The following GLIS3 variants were observed in gnomAD, a reference collection of about 807,000 sequenced individuals.
GLIS3 encodes the protein GLIS family zinc finger 3.
Under a neutral mutation model 78.6 loss-of-function variants are expected in GLIS3, and 53 were observed. The observed-to-expected ratio is 0.67, with a 90% confidence interval of 0.54 to 0.85. The LOEUF is 0.85. GLIS3 is among the 40% of genes least tolerant of loss of function. GLIS3 has a pLI of 0.00. For missense variants in GLIS3, 1,703 were observed against 1,231.1 expected (o/e 1.38, Z -5.74); for synonymous variants, 684 against 509.9 (o/e 1.34, Z -4.60).
chr9:4,375,441 A>C, the GLIS3 span, among the ~76,000 whole-genome samples: 1 of 152,218 alleles, frequency 6.6e-6, no homozygotes, highest in African/African-American at 2.4e-5. Context: ...ACTGTTTTAT[A>C]ATATAAATGT....
intron 6 of GLIS3, among the ~76,000 whole-genome samples, chr9:3,905,729 C>A (rs796506711): frequency 9.2e-5 from 14 of 152,286 alleles, no homozygotes; most frequent in African/African-American, 3.4e-4. Context: ...ATGATCTTGA[C>A]CCAGGGAGTC....
chr9:4,069,924 A>G (rs2130625950), intron 4 of GLIS3, among the ~76,000 whole-genome samples: 1 of 152,152 alleles, frequency 6.6e-6, no homozygotes, highest in African/African-American at 2.4e-5. Context: ...TGTCAGGAAG[A>G]TAAGCTTTGG....
At chr9:4,429,494 TAG>T in the GLIS3 span, among the ~76,000 whole-genome samples, 101 of 152,302 alleles carry the variant, frequency 6.6e-4, no homozygotes, top group African/African-American at 2.2e-3. Context: ...GATCTCAACT[TAG>T]CAATGCTCTC....
chr9:3,877,215 T>C (rs1402409699), intron 8 of GLIS3, among the ~76,000 whole-genome samples: 1 of 152,106 alleles, frequency 6.6e-6, no homozygotes, highest in Non-Finnish European at 1.5e-5. Context: ...TAATATCATT[T>C]AGAACCAAAC....
intron 4 of GLIS3, among the ~76,000 whole-genome samples, chr9:4,000,645 G>A (rs1821065673): frequency 6.6e-6 from 1 of 152,154 alleles, no homozygotes; most frequent in Non-Finnish European, 1.5e-5. Flanking sequence ...GCCCCCTGCT[G>A]CTTACAGGAC....
intron 2 of GLIS3, among the ~76,000 whole-genome samples, chr9:4,221,656 A>G (rs1821339360): frequency 1.3e-5 from 2 of 152,198 alleles, no homozygotes; most frequent in Admixed American, 1.3e-4. Context: ...TGGAAAATCT[A>G]ATACTTGCCT....
At chr9:4,033,338 C>T (rs997082363) in intron 4 of GLIS3, among the ~76,000 whole-genome samples, 1 of 152,150 alleles carries the variant, frequency 6.6e-6, no homozygotes, top group Non-Finnish European at 1.5e-5. Context: ...AGCGCACCCA[C>T]TTCAGGAAGA....
chr9:4,194,932 A>C (rs1026852022), intron 2 of GLIS3, among the ~76,000 whole-genome samples: 2 of 152,250 alleles, frequency 1.3e-5, no homozygotes, highest in Non-Finnish European at 2.9e-5. Context: ...AACTGCGTAC[A>C]AAGTCAGTCA....
the GLIS3 span, among the ~76,000 whole-genome samples, chr9:4,368,663 C>G: frequency 1.3e-5 from 2 of 152,166 alleles, no homozygotes; most frequent in Admixed American, 6.5e-5. Flanking sequence ...CACAAGACCC[C>G]TCTTCTTAAG....
intron 1 of GLIS3, among the ~76,000 whole-genome samples, chr9:4,299,033 G>A (rs1420259850): frequency 6.6e-6 from 1 of 152,154 alleles, no homozygotes; most frequent in Non-Finnish European, 1.5e-5. Context: ...TGCGCCCCAT[G>A]CCCGTGCGTC....
intron 4 of GLIS3, among the ~76,000 whole-genome samples, chr9:4,038,527 T>C (rs1220421383): frequency 6.6e-6 from 1 of 152,210 alleles, no homozygotes. Flanking sequence ...TCCAATACAC[T>C]TTCCCAGGCC....
the GLIS3 span, among the ~76,000 whole-genome samples, chr9:4,473,399 T>C: frequency 8.3e-5 from 12 of 144,638 alleles, no homozygotes; most frequent in African/African-American, 2.8e-4. Context: ...TGAGCCAAGA[T>C]CATGCCATTG....
the GLIS3 span, among the ~76,000 whole-genome samples, chr9:4,449,255 C>G: frequency 1.6e-4 from 24 of 152,278 alleles, no homozygotes; most frequent in African/African-American, 5.5e-4. Context: ...GAATCAGCAG[C>G]CTGCCAGGGA....
intron 2 of GLIS3, among the ~76,000 whole-genome samples, chr9:4,239,566 T>C (rs1823103024): frequency 6.6e-6 from 1 of 152,192 alleles, no homozygotes; most frequent in South Asian, 2.1e-4. Context: ...GGTATCAAGG[T>C]TGAGAACCAC....
At chr9:4,454,307 C>T in the GLIS3 span, among the ~76,000 whole-genome samples, 1 of 152,170 alleles carries the variant, frequency 6.6e-6, no homozygotes, top group Non-Finnish European at 1.5e-5. Flanking sequence ...AACTGGCCAC[C>T]ACACTACTTT....
intron 2 of GLIS3, among the ~76,000 whole-genome samples, chr9:4,156,741 T>G (rs1263475823): frequency 6.6e-6 from 1 of 152,132 alleles, no homozygotes; most frequent in Non-Finnish European, 1.5e-5. Flanking sequence ...TTCATGCCCT[T>G]ATCTGATGAG....
chr9:3,965,188 C>CTTTTTTTTTTTTTTTTTTTT lies in GLIS3; in HGVS notation c.1711-28000_1711-27999insAAAAAAAAAAAAAAAAAAAA, dbSNP rs750454441. ...TACTTCTTTTCTATTTCTTTCTTTT[C>CTTTTTTTTTTTTTTTTTTTT]TTTTCTTTTTTTTTTTTTTTTTTTG... On this transcript the variant is annotated intron_variant, in intron 4 of 10. Transcript: ENST00000381971. Among the ~76,000 whole-genome samples, 125 of 98,972 alleles carry CTTTTTTTTTTTTTTTTTTTT rather than the reference C, an allele frequency of 1.3e-3. 8 individuals carry two copies. The highest frequency in any genetic ancestry group is 1.7e-3 in the Non-Finnish European group (85 of 50,566). The allele number at this position is 98,972 out of a possible 152,430, so 64.9% of individuals were successfully genotyped here.
At chr9:4,232,415 A>C (rs1006804784) in intron 2 of GLIS3, among the ~76,000 whole-genome samples, 2 of 151,680 alleles carry the variant, frequency 1.3e-5, no homozygotes, top group Admixed American at 6.6e-5. Flanking sequence ...AAGAAAAAAA[A>C]AGAAAGAAAC....
chr9:4,035,203 C>T (rs953359981), intron 4 of GLIS3, among the ~76,000 whole-genome samples: 1 of 152,088 alleles, frequency 6.6e-6, no homozygotes, highest in African/African-American at 2.4e-5. Flanking sequence ...TCACTATAAC[C>T]TTTTATGGCA....
Sources: gnomAD v4.1 joint callset for allele counts (sites outside exome capture counted in the v4.1 genomes callset) on GRCh38, gnomAD v4.1.1 for gene constraint, MANE v1.5 for transcripts, NCBI Gene and HGNC (gene_info 2026-07-23, HGNC 2026-07-21) for gene names.